Variants in MRPL48 observed in about 807,000 individuals in gnomAD.
The protein encoded by MRPL48 is large ribosomal subunit protein mL48.
Under a neutral mutation model 32.9 loss-of-function variants are expected in MRPL48, and 16 were observed. The observed-to-expected ratio is 0.49, with a 90% CI of 0.33 to 0.74. MRPL48 has a LOEUF of 0.74. Among genes scored for constraint, MRPL48 ranks in the 30% least tolerant of loss-of-function variants. The pLI is 0.02. For synonymous variants in MRPL48, 94 were observed against 89.2 expected (o/e 1.05, Z -0.31); for missense variants, 206 against 245.3 (o/e 0.84, Z 1.07).
At chr11:73,851,650 C>G (rs1201443083) in intron 5 of MRPL48, among the ~76,000 whole-genome samples, 1 of 152,032 alleles carries the variant, frequency 6.6e-6, no homozygotes, top group South Asian at 2.1e-4. Flanking sequence ...CAGTGCATTC[C>G]TTCTGGATGG....
intron 4 of MRPL48, among the ~76,000 whole-genome samples, chr11:73,831,864 G>A (rs939837515): frequency 1.3e-5 from 2 of 150,706 alleles, no homozygotes; most frequent in Non-Finnish European, 3.0e-5. Flanking sequence ...CGCTTGAGCC[G>A]GGGAGGTGGA....
intron 4 of MRPL48, among the ~76,000 whole-genome samples, chr11:73,828,915 C>T (rs566119633): frequency 1.3e-5 from 2 of 152,138 alleles, no homozygotes; most frequent in East Asian, 1.9e-4. Context: ...GAGATATCCC[C>T]CTTCTAAAAG....
chr11:73,828,295 G>A (rs1056039250), intron 4 of MRPL48, among the ~76,000 whole-genome samples: 4 of 151,014 alleles, frequency 2.6e-5, no homozygotes, highest in African/African-American at 9.8e-5. Flanking sequence ...TGCGATCTCG[G>A]CTCACTACAA....
At chr11:73,797,751 C>T (rs78036671) in intron 1 of MRPL48, among the ~76,000 whole-genome samples, 9,563 of 152,222 alleles carry the variant, frequency 0.063, 409 homozygotes, top group East Asian at 0.18. Context: ...GTAGTGTGAG[C>T]GGAGGACAGC....
At chr11:73,821,912 A>T (rs1329666168) in intron 3 of MRPL48, among the ~76,000 whole-genome samples, 1 of 152,182 alleles carries the variant, frequency 6.6e-6, no homozygotes, top group East Asian at 1.9e-4. Flanking sequence ...ATATTTGTTG[A>T]ATGGATGATC....
chr11:73,824,558 C>T (rs1034982482), intron 3 of MRPL48, among the ~76,000 whole-genome samples: 1 of 151,498 alleles, frequency 6.6e-6, no homozygotes, highest in Non-Finnish European at 1.5e-5. Context: ...GCACTCCAAC[C>T]TGGGTTACAG....
chr11:73,800,284 G>A (rs1265391180), intron 1 of MRPL48, among the ~76,000 whole-genome samples: 4 of 152,036 alleles, frequency 2.6e-5, no homozygotes, highest in African/African-American at 9.7e-5. Flanking sequence ...TGCGTAAAGT[G>A]CCTAGTAAAT....
rs541143329 is a variant in MRPL48 at position 73,829,971 on chromosome 11, A to G, written c.201+4175A>G. Among the ~76,000 whole-genome samples, 92 of 152,182 alleles carry G rather than the reference A, an allele frequency of 6.0e-4. 2 individuals carry two copies. Among genetic ancestry groups the G allele is most frequent in the South Asian group, 4.1e-4 (2 of 4,828 alleles). ...AGATGGGGGTCTCGCCATGTTACCCAGGCTGGTCTCAAACTCCAGGACTTA... is the reference window on the plus strand; with the variant it reads ...AGATGGGGGTCTCGCCATGTTACCCGGGCTGGTCTCAAACTCCAGGACTTA... On this transcript the variant is annotated intron_variant, in intron 4 of 7. Coordinates refer to ENST00000310614, the MANE Select transcript of MRPL48 (RefSeq NM_016055.6).
chr11:73,823,740 C>T (rs1404861307), intron 3 of MRPL48, among the ~76,000 whole-genome samples: 1 of 149,536 alleles, frequency 6.7e-6, no homozygotes, highest in East Asian at 2.0e-4. Context: ...GCACTACAAC[C>T]TCAAACTCCT....
chr11:73,804,774 T>C (rs948344409), intron 1 of MRPL48, among the ~76,000 whole-genome samples: 2 of 152,194 alleles, frequency 1.3e-5, no homozygotes, highest in African/African-American at 4.8e-5. Context: ...AAGTTGGAAA[T>C]GGTAAACAGT....
At chr11:73,811,497 TA>T (rs2134977030) in intron 3 of MRPL48, among the ~76,000 whole-genome samples, 1 of 152,210 alleles carries the variant, frequency 6.6e-6, no homozygotes, top group Non-Finnish European at 1.5e-5. Context: ...TTGAGAGATA[TA>T]AAAAATATAG....
intron 4 of MRPL48, among the ~76,000 whole-genome samples, chr11:73,826,635 C>T (rs1947896520): frequency 6.6e-6 from 1 of 152,030 alleles, no homozygotes; most frequent in Non-Finnish European, 1.5e-5. Context: ...TCCGCTGCCA[C>T]ACCTGGCTAA....
At chr11:73,814,248 G>A (rs1947618611) in intron 3 of MRPL48, among the ~76,000 whole-genome samples, 1 of 151,708 alleles carries the variant, frequency 6.6e-6, no homozygotes, top group Non-Finnish European at 1.5e-5. Context: ...TAATTAGCCT[G>A]GTGGGATAGC....
At chr11:73,794,198 A>ATCTG (rs1009253787) in intron 1 of MRPL48, among the ~76,000 whole-genome samples, 50 of 115,248 alleles carry the variant, frequency 4.3e-4, no homozygotes, top group African/African-American at 1.4e-3. Flanking sequence ...CTATCTATCT[A>ATCTG]TCTATCTATC....
At chr11:73,839,552 G>A (rs1050224602) in intron 4 of MRPL48, among the ~76,000 whole-genome samples, 4 of 152,028 alleles carry the variant, frequency 2.6e-5, no homozygotes, top group African/African-American at 9.7e-5. Flanking sequence ...TAGTGTGGCT[G>A]GGTCATTTCG....
chr11:73,864,784 C>T lies in MRPL48; in HGVS notation c.*414C>T, dbSNP rs1948642273. On this transcript the variant is annotated 3_prime_UTR_variant, in exon 8 of 8. Transcript: ENST00000310614. ...CCAGCCTGGCAACATTCTGTCTTTACCAAAAACATTCTTTTTTTTTTTTCC... is the reference window on the plus strand; with the variant it reads ...CCAGCCTGGCAACATTCTGTCTTTATCAAAAACATTCTTTTTTTTTTTTCC... 5.4e-6 allele frequency: 1 copy of T among 185,340 alleles called. No homozygotes were observed. The highest frequency in any genetic ancestry group is 1.1e-5 in the Non-Finnish European group (1 of 87,848). The allele number at this position is 185,340 out of a possible 1,614,324, so 11.5% of individuals were successfully genotyped here.
chr11:73,837,457 A>G (rs1057287402), intron 4 of MRPL48, among the ~76,000 whole-genome samples: 3 of 152,194 alleles, frequency 2.0e-5, no homozygotes, highest in Non-Finnish European at 4.4e-5. Flanking sequence ...CTATGATTCT[A>G]ATTTGATTCC....
At chr11:73,840,398 G>T (rs994509906) in intron 4 of MRPL48, among the ~76,000 whole-genome samples, 2 of 152,148 alleles carry the variant, frequency 1.3e-5, no homozygotes, top group African/African-American at 4.8e-5. Context: ...GGAGGTTGAG[G>T]TGTGACGATC....
chr11:73,844,937 A>C lies in MRPL48; in HGVS notation c.332A>C (p.His111Pro). Residue 111 changes from histidine to proline, a missense_variant, in exon 5 of 8, where the codon CAC (histidine) becomes CCC (proline). His to Pro is a moderately conservative substitution (Grantham distance 77). Transcript: ENST00000310614. ...TLAESYAQYV[H>P]NLCNSLSIKV... ...GCAGAGAGTTATGCCCAGTATGTTC[A>C]CAACCTCTGCAACTCTCTCTCCATT... 1 of 1,612,910 alleles carries C rather than the reference A, an allele frequency of 6.2e-7. No individual in the cohort carries two copies. Among genetic ancestry groups the C allele is most frequent in the Non-Finnish European group, 8.5e-7 (1 of 1,179,182 alleles).
Sources: gnomAD v4.1 joint callset for allele counts (sites outside exome capture counted in the v4.1 genomes callset) on GRCh38, gnomAD v4.1.1 for gene constraint, MANE v1.5 for transcripts, NCBI Gene and HGNC (gene_info 2026-07-23, HGNC 2026-07-21) for gene names.